Variants in PTK2B observed in about 807,000 individuals in gnomAD.
PTK2B encodes the protein protein tyrosine kinase 2 beta, also known as protein-tyrosine kinase 2-beta.
A neutral mutation model predicts 142.9 loss-of-function variants in PTK2B; 71 were observed. The observed-to-expected ratio is 0.50, with a 90% confidence interval of 0.41 to 0.61. The LOEUF is 0.61. PTK2B is among the 20% of genes least tolerant of loss of function. The pLI, the probability that PTK2B is intolerant of heterozygous loss-of-function variation, is 0.00. For missense variants in PTK2B, 1,105 were observed against 1,320.4 expected, an observed-to-expected ratio of 0.84 and a Z score of 2.53; for synonymous variants, 519 against 503.4, an observed-to-expected ratio of 1.03 and a Z score of -0.42.
chr8:27,409,884 G>C (rs1309303950), intron 2 of PTK2B, among the ~76,000 whole-genome samples: 1 of 152,036 alleles, frequency 6.6e-6, no homozygotes, highest in Non-Finnish European at 1.5e-5. Flanking sequence ...ACCATGCCAG[G>C]CTAATTTTTG....
chr8:27,404,266 T>C (rs1337529054), intron 2 of PTK2B, among the ~76,000 whole-genome samples: 1 of 152,190 alleles, frequency 6.6e-6, no homozygotes, highest in Non-Finnish European at 1.5e-5. Flanking sequence ...CATCTCTGCC[T>C]ATCACAAGAC....
At chr8:27,414,159 CA>C (rs555208473) in intron 2 of PTK2B, among the ~76,000 whole-genome samples, 102 of 152,292 alleles carry the variant, frequency 6.7e-4, no homozygotes, top group African/African-American at 2.4e-3. Context: ...GCCATTTCTG[CA>C]AGGAGCTTTG....
At chr8:27,371,910 C>T (rs115511987) in intron 1 of PTK2B, among the ~76,000 whole-genome samples, 1,768 of 152,286 alleles carry the variant, frequency 0.012, 36 homozygotes, top group African/African-American at 0.04. Context: ...CTGAGCACCT[C>T]GTGTGTGCCA....
chr8:27,373,786 T>C (rs1361711347), intron 1 of PTK2B, among the ~76,000 whole-genome samples: 2 of 151,948 alleles, frequency 1.3e-5, no homozygotes, highest in Non-Finnish European at 2.9e-5. Context: ...GGGCAGGGTG[T>C]CTTCTCCTTC....
At position 27,430,888 on chromosome 8, in the gene PTK2B, C is replaced by A. The variant is rs1810372204; in HGVS notation, c.682C>A (p.Arg228=). Residue 228 remains arginine, a synonymous_variant, in exon 8 of 31, where the codon CGG becomes AGG. Transcript: ENST00000346049. The part of the protein sequence containing the change: ...MQENLKPKQF[R]KMIQQTFQQY... Reference sequence around the variant, plus strand: ...TCCCCTCCCCCAGCCCAAACAGTTCCGGAAGATGATCCAGCAGACCTTCCA... The same window carrying A: ...TCCCCTCCCCCAGCCCAAACAGTTCAGGAAGATGATCCAGCAGACCTTCCA... 6.2e-7 allele frequency: 1 copy of A among 1,613,944 alleles called. No individual in the cohort carries two copies. The highest frequency in any genetic ancestry group is 2.2e-5 in the East Asian group (1 of 44,878).
rs1810421005 is a variant in PTK2B, at chr8:27,431,488, G to A, written c.885+16G>A. 1.9e-6 allele frequency: 3 copies of A among 1,613,578 alleles called. No individual in the cohort carries two copies. The highest frequency in any genetic ancestry group is 1.7e-4 in the Middle Eastern group (1 of 5,968). ...GGACGCAAAGGTAGAGAGACCCGGG[G>A]CAGCCCCACCCAGCCCCAGGCGGGG... is the stretch of plus-strand genomic sequence containing the variant. On this transcript the variant is annotated intron_variant, in intron 9 of 30. Coordinates refer to ENST00000346049, the MANE Select transcript of PTK2B (RefSeq NM_173176.3).
chr8:27,441,736 T>C (rs1255706849), intron 21 of PTK2B, among the ~76,000 whole-genome samples: 1 of 152,220 alleles, frequency 6.6e-6, no homozygotes, highest in Non-Finnish European at 1.5e-5. Flanking sequence ...ATGGGAGGTT[T>C]GAGAAGTCAA....
chr8:27,445,651 T>G, intron 23 of PTK2B, 143 bp from the exon 24 acceptor site: 1 of 1,209,042 alleles, frequency 8.3e-7, no homozygotes, highest in Non-Finnish European at 1.2e-6. Flanking sequence ...GGCCCACGTT[T>G]TGTTCTTTAT....
intron 2 of PTK2B, among the ~76,000 whole-genome samples, chr8:27,414,624 CTCTT>C (rs1055412076): frequency 1.4e-3 from 14 of 10,168 alleles, no homozygotes; most frequent in Non-Finnish European, 2.1e-3. Flanking sequence ...GTGTGTGTAT[CTCTT>C]TCTATCTATA....
chr8:27,445,068 G>A (rs1811381652), intron 23 of PTK2B, among the ~76,000 whole-genome samples: 1 of 152,170 alleles, frequency 6.6e-6, no homozygotes, highest in Admixed American at 6.5e-5. Flanking sequence ...ATATACCCAT[G>A]TGCAATATTT....
intron 30 of PTK2B, among the ~76,000 whole-genome samples, chr8:27,456,007 CCT>C (rs978371255): frequency 6.6e-6 from 1 of 152,196 alleles, no homozygotes; most frequent in African/African-American, 2.4e-5. Context: ...CAATTTCTGG[CCT>C]CTCTCTCAGG....
intron 1 of PTK2B, among the ~76,000 whole-genome samples, chr8:27,355,960 T>A (rs1342253739): frequency 6.7e-6 from 1 of 149,608 alleles, no homozygotes; most frequent in African/African-American, 2.5e-5. Context: ...GAGGCAGAGG[T>A]AGCAGTGAGC....
intron 1 of PTK2B, among the ~76,000 whole-genome samples, chr8:27,385,892 C>A (rs1029624984): frequency 0.012 from 1,313 of 109,804 alleles, no homozygotes; most frequent in Middle Eastern, 0.02. Flanking sequence ...GATTCCGTCT[C>A]AAAAAAAAAA....
chr8:27,354,564 G>C (rs564353902), intron 1 of PTK2B, among the ~76,000 whole-genome samples: 1 of 152,312 alleles, frequency 6.6e-6, no homozygotes, highest in East Asian at 1.9e-4. Flanking sequence ...TATGTTGACT[G>C]TTGGGAGGAC....
At chr8:27,422,518 C>A in intron 5 of PTK2B, 135 bp downstream of exon 5, 1 of 819,164 alleles carries the variant, frequency 1.2e-6, no homozygotes, top group Non-Finnish European at 1.8e-6. Context: ...TGACCGGCAG[C>A]AGGTGAGGCT....
chr8:27,427,063 C>T (rs1810128043), intron 5 of PTK2B, among the ~76,000 whole-genome samples: 1 of 152,178 alleles, frequency 6.6e-6, no homozygotes, highest in African/African-American at 2.4e-5. Context: ...GGAAGCAGAT[C>T]TCACCCCGTG....
intron 27 of PTK2B, 152 bp downstream of exon 27, chr8:27,451,661 C>G: frequency 4.7e-6 from 7 of 1,493,158 alleles, no homozygotes; most frequent in Middle Eastern, 1.8e-4. Context: ...GTGGGGCAGG[C>G]CAGCTTCCCC....
At chr8:27,344,315 A>G (rs1480142983) in intron 1 of PTK2B, among the ~76,000 whole-genome samples, 1 of 152,202 alleles carries the variant, frequency 6.6e-6, no homozygotes, top group Non-Finnish European at 1.5e-5. Context: ...CTATATCAGC[A>G]AGGCAGGTCC....
intron 4 of PTK2B, 53 bp downstream of exon 4, chr8:27,420,797 C>G (rs1223855522): frequency 1.4e-6 from 2 of 1,468,876 alleles, no homozygotes; most frequent in African/African-American, 1.4e-5. Flanking sequence ...CCTCAAATGC[C>G]AAGCATGAAC....
Sources: gnomAD v4.1 joint callset for allele counts (sites outside exome capture counted in the v4.1 genomes callset) on GRCh38, gnomAD v4.1.1 for gene constraint, MANE v1.5 for transcripts, NCBI Gene and HGNC (gene_info 2026-07-23, HGNC 2026-07-21) for gene names.